Variants in TNR observed in about 807,000 individuals in gnomAD.
TNR encodes the protein tenascin R.
A neutral mutation model predicts 150.4 loss-of-function variants in TNR; 45 were observed. That is an observed-to-expected ratio of 0.30 (90% CI 0.24 to 0.38). The LOEUF (loss-of-function observed/expected upper bound fraction) is 0.38. Ranked by LOEUF, TNR falls within the 10% of genes least tolerant of loss-of-function variation. TNR has a pLI of 1.00. For synonymous variants in TNR, 687 were observed against 678.4 expected, an observed-to-expected ratio of 1.01 and a Z score of -0.20; for missense variants, 1,544 against 1,759.1, an observed-to-expected ratio of 0.88 and a Z score of 2.19.
chr1:175,337,224 C>T (rs1465462036), intron 19 of TNR, among the ~76,000 whole-genome samples: 5 of 152,340 alleles, frequency 3.3e-5, no homozygotes, highest in Non-Finnish European at 5.9e-5. Flanking sequence ...ATGCATTTCT[C>T]AGCAGGCAAG....
chr1:175,372,251 C>A (rs1206046144), intron 9 of TNR, among the ~76,000 whole-genome samples: 1 of 152,206 alleles, frequency 6.6e-6, no homozygotes, highest in African/African-American at 2.4e-5. Context: ...AACCTCCTTT[C>A]TTTATAAATT....
intron 1 of TNR, among the ~76,000 whole-genome samples, chr1:175,651,081 T>C (rs1209486925): frequency 1.8e-4 from 1 of 5,486 alleles, no homozygotes; most frequent in Non-Finnish European, 3.7e-4. Flanking sequence ...ATCTCATTAC[T>C]CCCCCCCACC....
At chr1:175,491,970 A>C (rs1557966669) in intron 2 of TNR, among the ~76,000 whole-genome samples, 1 of 152,146 alleles carries the variant, frequency 6.6e-6, no homozygotes. Flanking sequence ...TTAAACGATA[A>C]ACTTTTTCAT....
intron 15 of TNR, among the ~76,000 whole-genome samples, chr1:175,358,938 C>T (rs1651454869): frequency 6.6e-6 from 1 of 152,066 alleles, no homozygotes. Context: ...GTTTTTCTTG[C>T]TCTGCGAATA....
chr1:175,589,876 T>C (rs568955802), intron 1 of TNR, among the ~76,000 whole-genome samples: 1 of 152,168 alleles, frequency 6.6e-6, no homozygotes, highest in South Asian at 2.1e-4. Flanking sequence ...AGGGATAGCG[T>C]TAGGAGAAAT....
In TNR at chr1:175,518,402, C is replaced by T. The variant is rs372655170; in HGVS notation, c.-64+9867G>A. Among the ~76,000 whole-genome samples the T allele has an allele frequency of 9.7e-4, 147 of 152,300 alleles. No individual in the cohort carries two copies. The Middle Eastern group carries it at 0.014, about 14-fold the overall frequency. Reference sequence around the variant, plus strand: ...ACAGGTCTGTCCTCGATCCCATCCCCATTCCTCCTCTCATGTCTCCCCCTA... The same window carrying T: ...ACAGGTCTGTCCTCGATCCCATCCCTATTCCTCCTCTCATGTCTCCCCCTA... On this transcript the variant is annotated intron_variant, in intron 2 of 22. Coordinates refer to ENST00000367674, the MANE Select transcript of TNR (RefSeq NM_003285.3).
At chr1:175,487,432 A>G (rs541305483) in intron 2 of TNR, among the ~76,000 whole-genome samples, 1 of 152,206 alleles carries the variant, frequency 6.6e-6, no homozygotes, top group African/African-American at 2.4e-5. Flanking sequence ...TCATTTGATG[A>G]TCTTCCCGAC....
intron 1 of TNR, among the ~76,000 whole-genome samples, chr1:175,663,763 G>C (rs534993658): frequency 6.6e-6 from 1 of 152,344 alleles, no homozygotes; most frequent in Admixed American, 6.5e-5. Flanking sequence ...GGCTGAGGAT[G>C]GAGAACTGTG....
intron 18 of TNR, among the ~76,000 whole-genome samples, chr1:175,347,478 A>G (rs1468196411): frequency 6.6e-6 from 1 of 151,520 alleles, no homozygotes; most frequent in Non-Finnish European, 1.5e-5. Flanking sequence ...CTCAGGTTGG[A>G]GTGCAGTGGT....
chr1:175,673,616 G>A (rs1323759282), intron 1 of TNR, among the ~76,000 whole-genome samples: 1 of 152,232 alleles, frequency 6.6e-6, no homozygotes, highest in Non-Finnish European at 1.5e-5. Flanking sequence ...GCTGCTAGCT[G>A]AGGATGTGCG....
In TNR at chr1:175,358,351, T is replaced by C. The variant is rs377219069; in HGVS notation, c.2974+1261A>G. On this transcript the variant is annotated intron_variant, in intron 15 of 22. Coordinates refer to ENST00000367674, the MANE Select transcript of TNR (RefSeq NM_003285.3). The stretch of plus-strand genomic sequence containing the variant: ...GGGGTTTTCTGATGCCTTGCTGAAA[T>C]ACAAATGTACTAGCAGGTTTGCCAA... 1.2e-3 allele frequency among the ~76,000 whole-genome samples: 190 copies of C among 152,330 alleles called. 1 individual carries two copies. The highest frequency in any genetic ancestry group is 4.4e-3 in the African/African-American group (181 of 41,576).
At chr1:175,490,068 T>C (rs1240795600) in intron 2 of TNR, among the ~76,000 whole-genome samples, 6 of 152,128 alleles carry the variant, frequency 3.9e-5, no homozygotes, top group Non-Finnish European at 1.5e-5. Flanking sequence ...GAAATAAGAT[T>C]GCATATCTAC....
intron 1 of TNR, among the ~76,000 whole-genome samples, chr1:175,576,929 C>T (rs1225464464): frequency 1.3e-5 from 2 of 152,146 alleles, no homozygotes; most frequent in Non-Finnish European, 2.9e-5. Context: ...CATGTGTTTT[C>T]CCATCACTGG....
intron 18 of TNR, among the ~76,000 whole-genome samples, chr1:175,338,022 C>T (rs1229260831): frequency 6.6e-6 from 1 of 152,152 alleles, no homozygotes; most frequent in African/African-American, 2.4e-5. Flanking sequence ...TAAAAGTCTC[C>T]CCCTTGAAGG....
chr1:175,447,032 C>T (rs1270608366), intron 2 of TNR, among the ~76,000 whole-genome samples: 1 of 152,128 alleles, frequency 6.6e-6, no homozygotes, highest in Non-Finnish European at 1.5e-5. Flanking sequence ...ATGTTATATG[C>T]ATGTGCATGT....
chr1:175,546,425 G>A (rs549676341), intron 1 of TNR, among the ~76,000 whole-genome samples: 5 of 152,188 alleles, frequency 3.3e-5, no homozygotes, highest in South Asian at 4.1e-4. Context: ...AGAATTGCCG[G>A]CCATCTCACA....
chr1:175,361,796 A>T (rs1045534267), intron 14 of TNR, among the ~76,000 whole-genome samples: 14 of 152,206 alleles, frequency 9.2e-5, no homozygotes, highest in Admixed American at 2.6e-4. Flanking sequence ...GGAATAGAAC[A>T]CTTTGGCTGT....
At chr1:175,737,042 G>C (rs1667791559) in intron 1 of TNR, among the ~76,000 whole-genome samples, 1 of 152,000 alleles carries the variant, frequency 6.6e-6, no homozygotes, top group Non-Finnish European at 1.5e-5. Context: ...AAAGCAAAAA[G>C]AAAAACAAAA....
intron 1 of TNR, among the ~76,000 whole-genome samples, chr1:175,656,954 T>G (rs945423349): frequency 6.6e-6 from 1 of 152,132 alleles, no homozygotes; most frequent in Non-Finnish European, 1.5e-5. Context: ...GCTATGCACA[T>G]TGAGTGCAAC....
Sources: allele counts gnomAD v4.1 joint callset (sites outside exome capture counted in the v4.1 genomes callset), GRCh38; gene constraint gnomAD v4.1.1; transcripts MANE v1.5; gene names NCBI Gene and HGNC (gene_info 2026-07-23, HGNC 2026-07-21).